The following ATP8A2 variants were observed in gnomAD, a reference collection of about 807,000 sequenced individuals.
ATP8A2 encodes the protein ATPase phospholipid transporting 8A2.
ATP8A2 carries 100 observed loss-of-function variants against 165.6 expected under a neutral mutation model. The observed-to-expected ratio is 0.60, with a 90% CI of 0.51 to 0.71. ATP8A2 has a LOEUF of 0.71. Ranked by LOEUF, ATP8A2 falls within the 30% of genes least tolerant of loss-of-function variation. The probability of loss-of-function intolerance (pLI) is 0.00; values close to 1 mark genes in which losing one functional copy is unlikely to be tolerated. For synonymous variants in ATP8A2, 543 were observed against 548.8 expected, an observed-to-expected ratio of 0.99 and a Z score of 0.15; for missense variants, 1,227 against 1,479.5, an observed-to-expected ratio of 0.83 and a Z score of 2.80.
chr13:25,679,158 G>C (rs1426127482), intron 24 of ATP8A2, among the ~76,000 whole-genome samples: 1 of 152,224 alleles, frequency 6.6e-6, no homozygotes, highest in East Asian at 1.9e-4. Context: ...TTCTGGGTTT[G>C]AATGGTTGAG....
At chr13:25,573,562 T>G (rs1361836359) in intron 18 of ATP8A2, among the ~76,000 whole-genome samples, 2 of 152,178 alleles carry the variant, frequency 1.3e-5, no homozygotes, top group African/African-American at 2.4e-5. Context: ...TACTACCAAG[T>G]CAGGAACAAA....
intron 2 of ATP8A2, among the ~76,000 whole-genome samples, chr13:25,529,344 T>C (rs182490008): frequency 2.5e-4 from 38 of 152,326 alleles, no homozygotes; most frequent in Admixed American, 1.0e-3. Flanking sequence ...TAAACATTCT[T>C]GTCGTTCCCA....
At chr13:26,003,612 A>G (rs997266075) in intron 35 of ATP8A2, among the ~76,000 whole-genome samples, 18 of 152,124 alleles carry the variant, frequency 1.2e-4, no homozygotes, top group Non-Finnish European at 1.3e-4. Context: ...GACCAGTGTC[A>G]TAGACCTTTC....
In ATP8A2 at chr13:25,603,502, T is replaced by C. The variant is rs1187485743; in HGVS notation, c.2211+13803T>C. Among the ~76,000 whole-genome samples, 3 of 147,560 alleles carry C rather than the reference T, an allele frequency of 2.0e-5. No homozygotes were observed. In the East Asian group the frequency reaches 5.9e-4, roughly 29 times the overall value. On this transcript the variant is annotated intron_variant, in intron 24 of 36. Transcript: ENST00000381655. ...AAAAAAAAAAAAATTTTAAAAAGAGTATCTGGCTGCTGGAGTGAGCAGAGA... is the reference window on the plus strand; with the variant it reads ...AAAAAAAAAAAAATTTTAAAAAGAGCATCTGGCTGCTGGAGTGAGCAGAGA...
Position 26,012,531 on chromosome 13 carries a change from G to A in ATP8A2, c.3378G>A (p.Arg1126=), listed in dbSNP as rs1316740147. The A allele has an allele frequency of 6.5e-7, 1 of 1,540,164 alleles. No homozygotes were observed. Among genetic ancestry groups the A allele is most frequent in the Non-Finnish European group, 8.8e-7 (1 of 1,142,010 alleles). ...ACTGACGCGCTTGCTTTATCCGCAG[G>A]CTGAACGAGCGCGACCGCCTGATCA... The part of the protein sequence containing the change: ...KAVLRDSNGK[R]LNERDRLIKR... The change falls in exon 36 of 37, where the codon AGG becomes AGA. Residue 1126 remains arginine, a splice_region_variant and synonymous_variant. Coordinates refer to ENST00000381655, the MANE Select transcript of ATP8A2 (RefSeq NM_016529.6).
intron 33 of ATP8A2, among the ~76,000 whole-genome samples, chr13:25,917,920 A>G (rs1954317015): frequency 6.6e-6 from 1 of 152,248 alleles, no homozygotes; most frequent in Non-Finnish European, 1.5e-5. Context: ...ACCTTATTTA[A>G]TTCTAAAATT....
At chr13:25,476,830 T>C (rs1292170003) in intron 2 of ATP8A2, among the ~76,000 whole-genome samples, 1 of 152,234 alleles carries the variant, frequency 6.6e-6, no homozygotes, top group Non-Finnish European at 1.5e-5. Flanking sequence ...TGAACGTGAA[T>C]GGCACAACAA....
intron 30 of ATP8A2, among the ~76,000 whole-genome samples, chr13:25,853,982 A>T (rs552442744): frequency 1.6e-4 from 24 of 152,268 alleles, no homozygotes; most frequent in Admixed American, 1.6e-3. Flanking sequence ...CAAAACCTAA[A>T]CTTTTAAAAA....
chr13:25,480,689 G>C (rs1312884991), intron 2 of ATP8A2, among the ~76,000 whole-genome samples: 3 of 151,386 alleles, frequency 2.0e-5, no homozygotes, highest in Admixed American at 6.6e-5. Context: ...GCCAGGCAGA[G>C]GGGCTCCTCA....
intron 30 of ATP8A2, among the ~76,000 whole-genome samples, chr13:25,859,414 A>G (rs1285622282): frequency 1.3e-5 from 2 of 152,184 alleles, no homozygotes; most frequent in African/African-American, 4.8e-5. Context: ...TGGCAGTGTC[A>G]TCCAAGGAAA....
chr13:25,726,141 A>T (rs1160524458), intron 25 of ATP8A2, among the ~76,000 whole-genome samples: 1 of 152,170 alleles, frequency 6.6e-6, no homozygotes, highest in Non-Finnish European at 1.5e-5. Flanking sequence ...AAAGAGAATG[A>T]TTTTGTAAAG....
At chr13:25,815,608 A>G (rs1416389566) in intron 27 of ATP8A2, among the ~76,000 whole-genome samples, 3 of 152,230 alleles carry the variant, frequency 2.0e-5, no homozygotes, top group Non-Finnish European at 4.4e-5. Flanking sequence ...TGGTTTAGCC[A>G]CTTGAAAGAT....
chr13:25,593,412 T>A (rs1227431345), intron 24 of ATP8A2, among the ~76,000 whole-genome samples: 1 of 152,192 alleles, frequency 6.6e-6, no homozygotes, highest in Non-Finnish European at 1.5e-5. Context: ...TATGTCTGTG[T>A]TTTGAGTTTG....
At chr13:25,481,793 G>C (rs945695209) in intron 2 of ATP8A2, among the ~76,000 whole-genome samples, 1 of 152,152 alleles carries the variant, frequency 6.6e-6, no homozygotes, top group African/African-American at 2.4e-5. Context: ...AGAACAGAGA[G>C]AGTGAGCAAG....
At chr13:25,895,766 G>A (rs1337283763) in intron 33 of ATP8A2, among the ~76,000 whole-genome samples, 2 of 152,204 alleles carry the variant, frequency 1.3e-5, no homozygotes, top group African/African-American at 4.8e-5. Flanking sequence ...TCTTGGGAGA[G>A]GGTATGTATC....
intron 2 of ATP8A2, among the ~76,000 whole-genome samples, chr13:25,484,256 T>C (rs983394097): frequency 6.6e-6 from 1 of 152,224 alleles, no homozygotes; most frequent in African/African-American, 2.4e-5. Flanking sequence ...TTCTTTATGA[T>C]AGAATGGTTA....
intron 33 of ATP8A2, among the ~76,000 whole-genome samples, chr13:25,947,004 T>C (rs1955231911): frequency 6.6e-6 from 1 of 152,200 alleles, no homozygotes; most frequent in African/African-American, 2.4e-5. Context: ...CACCTCGGCC[T>C]CCTAGAGTGC....
chr13:26,019,840 C>T (rs780165811), intron 36 of ATP8A2, 48 bp from the exon 37 acceptor site: 1 of 1,369,900 alleles, frequency 7.3e-7, no homozygotes, highest in Non-Finnish European at 1.0e-6. Context: ...CTAGTGTGCT[C>T]CCCCAATTCT....
chr13:25,654,732 C>T (rs1172747238), intron 24 of ATP8A2, among the ~76,000 whole-genome samples: 1 of 152,168 alleles, frequency 6.6e-6, no homozygotes, highest in South Asian at 2.1e-4. Context: ...CCCTTTATTT[C>T]GCCTTTCTGC....
Sources: gnomAD v4.1 joint callset for allele counts (sites outside exome capture counted in the v4.1 genomes callset) on GRCh38, gnomAD v4.1.1 for gene constraint, MANE v1.5 for transcripts, NCBI Gene and HGNC (gene_info 2026-07-23, HGNC 2026-07-21) for gene names.